Variants in RNF169 observed in about 807,000 individuals in gnomAD.
RNF169 encodes the protein ring finger protein 169.
A neutral mutation model predicts 53.9 loss-of-function variants in RNF169; 24 were observed. That is an observed-to-expected ratio of 0.45 (90% CI 0.32 to 0.63). The LOEUF (loss-of-function observed/expected upper bound fraction) is 0.63, where lower values mean the gene tolerates loss of function less well. Among genes scored for constraint, RNF169 ranks in the 20% least tolerant of loss-of-function variants. RNF169 has a pLI of 0.04. For missense variants in RNF169, 883 were observed against 906.2 expected, an observed-to-expected ratio of 0.97 and a Z score of 0.33; for synonymous variants, 396 against 363.5, an observed-to-expected ratio of 1.09 and a Z score of -1.02.
intron 1 of RNF169, among the ~76,000 whole-genome samples, chr11:74,785,093 G>A (rs997879640): frequency 6.7e-5 from 10 of 148,992 alleles, no homozygotes; most frequent in Non-Finnish European, 1.0e-4. Context: ...TAGCTTGGCC[G>A]GTATTTTGAT....
At chr11:74,810,089 T>C in intron 2 of RNF169, 95 bp from the exon 3 acceptor site, 1 of 1,078,622 alleles carries the variant, frequency 9.3e-7, no homozygotes, top group Non-Finnish European at 1.3e-6. Context: ...AAAACTGCCA[T>C]GTGATCTGTT....
At position 74,836,946 on chromosome 11, in the gene RNF169, G is replaced by T. The variant is rs1565190301; in HGVS notation, c.*216G>T. 10 of 476,688 alleles carry T rather than the reference G, an allele frequency of 2.1e-5. No individual in the cohort carries two copies. The highest frequency in any genetic ancestry group is 3.3e-5 in the Non-Finnish European group (9 of 269,398). 29.5% of individuals were successfully genotyped at this position (476,688 alleles called of 1,614,324 possible). On this transcript the variant is annotated 3_prime_UTR_variant, in exon 6 of 6. Coordinates refer to ENST00000299563, the MANE Select transcript of RNF169 (RefSeq NM_001098638.2). ...AAGCCTGAGTGACCCATCCCTAAGG[G>T]CTTCTGGGCCAAACCTGGCAGCACC...
chr11:74,791,595 C>G (rs569550320), intron 2 of RNF169, among the ~76,000 whole-genome samples: 3 of 152,370 alleles, frequency 2.0e-5, no homozygotes, highest in African/African-American at 7.2e-5. Flanking sequence ...CACCATGAGT[C>G]TGCTCTCACC....
intron 2 of RNF169, among the ~76,000 whole-genome samples, chr11:74,797,778 G>A (rs1287006326): frequency 6.6e-6 from 1 of 152,184 alleles, no homozygotes; most frequent in Admixed American, 6.5e-5. Context: ...CCAGGAGTTC[G>A]AGACCAGCCT....
chr11:74,836,073 C>T lies in RNF169; in HGVS notation c.1470C>T (p.Leu490=). ...VNTRLSGGQV[L]SEYTGPTSAD... Reference sequence around the variant, plus strand: ...CAAGATTATCTGGTGGGCAGGTCCTCTCTGAGTATACTGGACCCACCTCTG... The same window carrying T: ...CAAGATTATCTGGTGGGCAGGTCCTTTCTGAGTATACTGGACCCACCTCTG... Residue 490 remains leucine (L), a synonymous_variant, in exon 6 of 6, where the codon CTC becomes CTT. Transcript: ENST00000299563. 6.2e-7 allele frequency: 1 copy of T among 1,614,194 alleles called. No individual in the cohort carries two copies. Among genetic ancestry groups the T allele is most frequent in the East Asian group, 2.2e-5 (1 of 44,882 alleles).
intron 2 of RNF169, among the ~76,000 whole-genome samples, chr11:74,803,577 T>C (rs532072554): frequency 2.0e-5 from 3 of 152,334 alleles, no homozygotes; most frequent in African/African-American, 7.2e-5. Flanking sequence ...TTACTTAGTG[T>C]TTAAAAGATT....
intron 2 of RNF169, among the ~76,000 whole-genome samples, chr11:74,801,697 G>A (rs182240101): frequency 1.1e-4 from 17 of 152,276 alleles, no homozygotes; most frequent in African/African-American, 3.1e-4. Context: ...CTATAATCCC[G>A]GCTACTCGGG....
At chr11:74,819,427 T>A (rs2135129727) in intron 4 of RNF169, among the ~76,000 whole-genome samples, 1 of 152,318 alleles carries the variant, frequency 6.6e-6, no homozygotes, top group South Asian at 2.1e-4. Flanking sequence ...TTCTTATAGA[T>A]CCTCATGCTG....
At chr11:74,825,059 A>G (rs1448245062) in intron 4 of RNF169, among the ~76,000 whole-genome samples, 1 of 152,228 alleles carries the variant, frequency 6.6e-6, no homozygotes, top group Non-Finnish European at 1.5e-5. Context: ...GAGTAACTAT[A>G]CTAATATCAG....
intron 1 of RNF169, among the ~76,000 whole-genome samples, chr11:74,786,389 T>C (rs1369426553): frequency 6.6e-6 from 1 of 152,042 alleles, no homozygotes; most frequent in African/African-American, 2.4e-5. Context: ...TGCACCATCA[T>C]GCCCTGCTAA....
chr11:74,818,531 T>C (rs1467444002), intron 4 of RNF169, among the ~76,000 whole-genome samples: 2 of 152,140 alleles, frequency 1.3e-5, no homozygotes. Context: ...GCTGAGACCA[T>C]AGCTGTGTGC....
chr11:74,769,814 C>T (rs987945098), intron 1 of RNF169, among the ~76,000 whole-genome samples: 2 of 152,154 alleles, frequency 1.3e-5, no homozygotes, highest in Non-Finnish European at 1.5e-5. Context: ...CTTGTACCCC[C>T]CAACAAGGTC....
intron 1 of RNF169, among the ~76,000 whole-genome samples, chr11:74,763,140 C>A (rs934819136): frequency 2.0e-5 from 3 of 152,126 alleles, no homozygotes; most frequent in Admixed American, 6.6e-5. Flanking sequence ...AGCACAAGAT[C>A]TATACTTTGC....
At chr11:74,833,082 C>G (rs944638126) in intron 4 of RNF169, among the ~76,000 whole-genome samples, 2 of 152,114 alleles carry the variant, frequency 1.3e-5, no homozygotes, top group African/African-American at 4.8e-5. Flanking sequence ...GGCTGGCCAC[C>G]TCTTTCTCCT....
In RNF169 at chr11:74,760,522, G is replaced by A. The variant is rs373370234; in HGVS notation, c.502+11140G>A. The stretch of plus-strand genomic sequence containing the variant: ...TCTGGTATGTTGTGTCTTTGTTCTC[G>A]TTGGTTTCAAAGAACATCTTTATGT... On this transcript the variant is annotated intron_variant, in intron 1 of 5. Coordinates refer to ENST00000299563, the MANE Select transcript of RNF169 (RefSeq NM_001098638.2). Among the ~76,000 whole-genome samples, 206 of 152,026 alleles carry A rather than the reference G, an allele frequency of 1.4e-3. 2 individuals are homozygous for A. The highest frequency in any genetic ancestry group is 4.8e-3 in the African/African-American group (198 of 41,474).
chr11:74,780,727 T>C (rs974994764), intron 1 of RNF169, among the ~76,000 whole-genome samples: 2 of 152,222 alleles, frequency 1.3e-5, no homozygotes, highest in Non-Finnish European at 2.9e-5. Flanking sequence ...CAAAAACTCC[T>C]GTTGAGAATA....
At chr11:74,787,591 T>G (rs933604356) in intron 1 of RNF169, among the ~76,000 whole-genome samples, 7 of 152,162 alleles carry the variant, frequency 4.6e-5, no homozygotes, top group Non-Finnish European at 1.0e-4. Context: ...ACTATGATTA[T>G]GCCTGTGAAT....
Position 74,748,979 on chromosome 11 carries a change from AGCT to A in RNF169, c.100_102del (p.Ala34del). On this transcript the variant is annotated inframe_deletion, in exon 1 of 6. Coordinates refer to ENST00000299563, the MANE Select transcript of RNF169 (RefSeq NM_001098638.2). ...GGGGCCGCTGTGACGAGACGGCGGCAGCTAAGACTGGGGCCCCAGGCCCGGCTT... is the reference window on the plus strand; with the variant it reads ...GGGGCCGCTGTGACGAGACGGCGGCAAAGACTGGGGCCCCAGGCCCGGCTT... 6.7e-7 allele frequency: 1 copy of A among 1,492,516 alleles called. No individual in the cohort carries two copies. The highest frequency in any genetic ancestry group is 9.0e-7 in the Non-Finnish European group (1 of 1,114,796). 92.5% of individuals were successfully genotyped at this position (1,492,516 alleles called of 1,614,324 possible).
chr11:74,784,371 T>C (rs903439773), intron 1 of RNF169, among the ~76,000 whole-genome samples: 10 of 152,134 alleles, frequency 6.6e-5, no homozygotes, highest in Non-Finnish European at 1.2e-4. Context: ...GGTTCACTGA[T>C]TTGCTAGGGG....
Sources: gnomAD v4.1 joint callset for allele counts (sites outside exome capture counted in the v4.1 genomes callset) on GRCh38, gnomAD v4.1.1 for gene constraint, MANE v1.5 for transcripts, NCBI Gene and HGNC (gene_info 2026-07-23, HGNC 2026-07-21) for gene names.